Variants in PRSS57 observed in about 807,000 individuals in gnomAD.
PRSS57 encodes neutrophil serine protease 4.
In PRSS57, 19 loss-of-function variants were observed where a neutral mutation model predicts 20.6. The ratio of observed to expected loss-of-function variants is 0.92; its 90% confidence interval spans 0.64 to 1.35. PRSS57 has a LOEUF of 1.35. Ranked by LOEUF, PRSS57 falls within the 40% of genes most tolerant of loss-of-function variation. The pLI is 0.00. For missense variants in PRSS57, 440 were observed against 403.7 expected, an observed-to-expected ratio of 1.09 and a Z score of -0.77; for synonymous variants, 203 against 176.6, an observed-to-expected ratio of 1.15 and a Z score of -1.19.
intron 2 of PRSS57, among the ~76,000 whole-genome samples, chr19:693,589 G>C (rs1270841514): frequency 1.3e-5 from 2 of 150,988 alleles, no homozygotes; most frequent in African/African-American, 4.9e-5. Context: ...TTTTTTTTCC[G>C]ACAGAATCTC....
At chr19:692,579 G>C (rs866531019) in intron 2 of PRSS57, among the ~76,000 whole-genome samples, 11 of 151,696 alleles carry the variant, frequency 7.3e-5, no homozygotes, top group South Asian at 2.1e-4. Flanking sequence ...ACCACTCCCA[G>C]CTAATTTTTG....
At chr19:692,561 C>T (rs1306961971) in intron 2 of PRSS57, among the ~76,000 whole-genome samples, 4 of 151,378 alleles carry the variant, frequency 2.6e-5, no homozygotes, top group South Asian at 2.1e-4. Context: ...AGACTACAGG[C>T]GTGCGCCACC....
At position 685,852 on chromosome 19, in the gene PRSS57, C is replaced by T. The variant is rs555768852; in HGVS notation, c.713G>A (p.Cys238Tyr). 33 of 1,559,950 alleles carry T rather than the reference C, an allele frequency of 2.1e-5. No homozygotes were observed. The East Asian group carries it at 7.4e-4, about 35-fold the overall frequency. Residue 238 changes from cysteine to tyrosine, a missense_variant, in exon 5 of 5, where the codon TGC becomes TAC. Coordinates refer to ENST00000329267, the MANE Select transcript of PRSS57 (RefSeq NM_001308209.2). ...CACGTCGGGGGTCTTGGGGTCGCCGCACCAGAGGCCCGAGAAGGAAACGAG... is the reference window on the plus strand; with the variant it reads ...CACGTCGGGGGTCTTGGGGTCGCCGTACCAGAGGCCCGAGAAGGAAACGAG... ...HGLVSFSGLW[C>Y]GDPKTPDVYT...
intron 3 of PRSS57, among the ~76,000 whole-genome samples, chr19:687,959 G>C (rs768809398): frequency 1.3e-5 from 2 of 152,194 alleles, no homozygotes; most frequent in African/African-American, 4.8e-5. Context: ...ACCTCTTCCA[G>C]GAAGTCTTCC....
chr19:693,065 C>G (rs1372377880), intron 2 of PRSS57, among the ~76,000 whole-genome samples: 1 of 151,410 alleles, frequency 6.6e-6, no homozygotes, highest in African/African-American at 2.4e-5. Flanking sequence ...ATAGCTGGGA[C>G]TACAGGCGCC....
chr19:689,463 G>A (rs938461028), intron 3 of PRSS57, among the ~76,000 whole-genome samples: 10 of 151,998 alleles, frequency 6.6e-5, no homozygotes, highest in African/African-American at 2.4e-4. Flanking sequence ...TGCTGGGGAT[G>A]GGATGGCCCA....
chr19:687,248 A>G (rs2031508123), intron 3 of PRSS57, 60 bp from the exon 4 acceptor site: 1 of 1,436,864 alleles, frequency 7.0e-7, no homozygotes, highest in Non-Finnish European at 9.1e-7. Flanking sequence ...CTCCTGCCTC[A>G]GTTTATCCAT....
intron 3 of PRSS57, among the ~76,000 whole-genome samples, chr19:688,557 C>T (rs769471864): frequency 2.7e-5 from 4 of 148,128 alleles, no homozygotes; most frequent in Non-Finnish European, 5.9e-5. Context: ...GGATGCACCA[C>T]GTGTGGGAGG....
At chr19:689,451 T>C (rs967287019) in intron 3 of PRSS57, among the ~76,000 whole-genome samples, 2 of 151,876 alleles carry the variant, frequency 1.3e-5, no homozygotes, top group Non-Finnish European at 1.5e-5. Flanking sequence ...GAGCGGAGAC[T>C]GTGCTGGGGA....
intron 3 of PRSS57, among the ~76,000 whole-genome samples, chr19:689,051 G>A (rs1041732298): frequency 1.3e-5 from 2 of 151,998 alleles, no homozygotes; most frequent in African/African-American, 4.8e-5. Flanking sequence ...CAGAGGAAGC[G>A]GGAATGAGGA....
In PRSS57 at chr19:694,960, C is replaced by A. The variant is rs868840461; in HGVS notation, c.87G>T (p.Trp29Cys). ...LMLPVKPPGS[W>C]GAQIIGGHEV... ...CGTGGCCCCCGATGATCTGGGCCCC[C>A]CAGGAGCCTGCTGGAGGGACGGCCT... The change falls in exon 2 of 5, where the codon TGG becomes TGT. Residue 29 changes from tryptophan to cysteine, a missense_variant. Coordinates refer to ENST00000329267, the MANE Select transcript of PRSS57 (RefSeq NM_001308209.2). 1.3e-6 allele frequency: 2 copies of A among 1,547,058 alleles called. No individual in the cohort carries two copies. The highest frequency in any genetic ancestry group is 2.3e-5 in the East Asian group (1 of 42,612).
In PRSS57 at chr19:685,734, G is replaced by C; in HGVS notation, c.831C>G (p.Pro277=). The change falls in exon 5 of 5, where the codon CCC becomes CCG. Residue 277 remains proline, a synonymous_variant. Coordinates refer to ENST00000329267, the MANE Select transcript of PRSS57 (RefSeq NM_001308209.2). ...QPGPLPGTTR[P]PGEAA ...TTGTGGCTCAGGCGGCTTCTCCTGG[G>C]GGCCTGGTGGTCCCAGGCAGGGGGC... The C allele has an allele frequency of 1.3e-6, 2 of 1,548,810 alleles. No homozygotes were observed. The highest frequency in any genetic ancestry group is 1.8e-6 in the Non-Finnish European group (2 of 1,141,610).
chr19:686,623 G>T (rs935262943), intron 4 of PRSS57, among the ~76,000 whole-genome samples: 5 of 152,120 alleles, frequency 3.3e-5, no homozygotes, highest in Non-Finnish European at 5.9e-5. Flanking sequence ...CTGGGGATTC[G>T]TTTATCTGGC....
intron 3 of PRSS57, chr19:690,898 C>T (rs1172628652): frequency 2.4e-5 from 10 of 412,936 alleles, no homozygotes; most frequent in African/African-American, 4.2e-5. Flanking sequence ...GCCTGATCCC[C>T]GTGTCCGGGG....
At position 687,080 on chromosome 19, in the gene PRSS57, A is replaced by T. The variant is rs753046468; in HGVS notation, c.487T>A (p.Phe163Ile). The change falls in exon 4 of 5, where the codon TTC becomes ATC. Residue 163 changes from phenylalanine (F) to isoleucine (I), a missense_variant. Physicochemically the swap from Phe to Ile is conservative, Grantham distance 21. Coordinates refer to ENST00000329267, the MANE Select transcript of PRSS57 (RefSeq NM_001308209.2). Reference protein sequence around the residue: ...GTRCRVAGWGFVSDFEELPPG... With the variant: ...GTRCRVAGWGIVSDFEELPPG... ...GGCAGCTCCTCAAAGTCAGACACGA[A>T]GCCCCAGCCAGCCACCCGGCACCGT... is the stretch of plus-strand genomic sequence containing the variant. 2.5e-6 allele frequency: 4 copies of T among 1,613,838 alleles called. No homozygotes were observed. Among genetic ancestry groups the T allele is most frequent in the Non-Finnish European group, 3.4e-6 (4 of 1,179,964 alleles).
chr19:686,827 A>G lies in PRSS57; in HGVS notation c.642+98T>C, dbSNP rs977510978. Reference sequence around the variant, plus strand: ...AGCTTCTCCGTCTGGTCCAACATCAATGGGACTCAGTTCCCAAGGCCCTTC... The same window carrying G: ...AGCTTCTCCGTCTGGTCCAACATCAGTGGGACTCAGTTCCCAAGGCCCTTC... On this transcript the variant is annotated intron_variant, in intron 4 of 4. Coordinates refer to ENST00000329267, the MANE Select transcript of PRSS57 (RefSeq NM_001308209.2). 20 of 1,431,954 alleles carry G rather than the reference A, an allele frequency of 1.4e-5. No homozygotes were observed. The South Asian group carries it at 1.9e-4, about 13-fold the overall frequency. The allele number at this position is 1,431,954 out of a possible 1,614,324, so 88.7% of individuals were successfully genotyped here. A position where few individuals can be genotyped will look rare whatever the true frequency, so the allele number is the denominator to read the frequency against.
rs1171032187 is a variant in PRSS57 at position 693,229 on chromosome 19, C to CTTTTTTTTT, written c.234-1228_234-1227insAAAAAAAAA. Among the ~76,000 whole-genome samples the CTTTTTTTTT allele has an allele frequency of 1.0e-4, 11 of 109,128 alleles. 4 individuals carry two copies. The highest frequency in any genetic ancestry group is 2.0e-4 in the Admixed American group (2 of 9,806). The allele number at this position is 109,128 out of a possible 152,430, so 71.6% of individuals were successfully genotyped here. A position where few individuals can be genotyped will look rare whatever the true frequency, so the allele number is the denominator to read the frequency against. ...TACAGGCGTGAGCCACCGCACCCGG[C>CTTTTTTTTT]CTTTTTTTTTTTTTTTTTTTTGAGA... On this transcript the variant is annotated intron_variant, in intron 2 of 4. Coordinates refer to ENST00000329267, the MANE Select transcript of PRSS57 (RefSeq NM_001308209.2).
intron 4 of PRSS57, among the ~76,000 whole-genome samples, chr19:686,211 T>C (rs902178129): frequency 6.6e-6 from 1 of 152,084 alleles, no homozygotes; most frequent in Non-Finnish European, 1.5e-5. Context: ...TTTTGGGCAG[T>C]GCACAACCTA....
At chr19:694,730 G>A (rs1043939818) in intron 2 of PRSS57, 84 bp downstream of exon 2, 61 of 1,433,472 alleles carry the variant, frequency 4.3e-5, no homozygotes, top group East Asian at 7.9e-5. Context: ...GAGCCACGGC[G>A]CCCCCAGCTC....
Sources: allele counts gnomAD v4.1 joint callset (sites outside exome capture counted in the v4.1 genomes callset), GRCh38; gene constraint gnomAD v4.1.1; transcripts MANE v1.5; gene names NCBI Gene and HGNC (gene_info 2026-07-23, HGNC 2026-07-21).